Variants in PCDHGA9 observed in about 807,000 individuals in gnomAD.
PCDHGA9 encodes protocadherin gamma subfamily A, 9, also known as protocadherin gamma-A9.
A neutral mutation model predicts 62.5 loss-of-function variants in PCDHGA9; 37 were observed. The ratio of observed to expected loss-of-function variants is 0.59; its 90% CI spans 0.46 to 0.78. The LOEUF is 0.78. PCDHGA9 is among the 30% of genes least tolerant of loss of function. The pLI, the probability that PCDHGA9 is intolerant of heterozygous loss-of-function variation, is 0.00. For missense variants in PCDHGA9, 1,138 were observed against 1,166.2 expected (o/e 0.98, Z 0.35); for synonymous variants, 459 against 484.6 (o/e 0.95, Z 0.69).
At chr5:141,419,088 T>C in intron 1 of PCDHGA9, 3 of 1,613,940 alleles carry the variant, frequency 1.9e-6, no homozygotes, top group Non-Finnish European at 2.5e-6. Context: ...GATGAGGCCC[T>C]GGATCGGGAG....
At chr5:141,452,554 G>A (rs2098744143) in intron 1 of PCDHGA9, among the ~76,000 whole-genome samples, 1 of 152,140 alleles carries the variant, frequency 6.6e-6, no homozygotes, top group Admixed American at 6.5e-5. Context: ...TCCAGTTCTG[G>A]TTCTTCCTAG....
chr5:141,415,880 A>G, intron 1 of PCDHGA9: 1 of 1,003,078 alleles, frequency 1.0e-6, no homozygotes. Flanking sequence ...TGAGTACAAT[A>G]TTGACAATTC....
chr5:141,433,122 G>C (rs1442464320), intron 1 of PCDHGA9: 1 of 1,614,134 alleles, frequency 6.2e-7, no homozygotes, highest in Admixed American at 1.7e-5. Flanking sequence ...TTTGAAAAAA[G>C]CGAGCCCCTT....
chr5:141,405,391 T>A lies in PCDHGA9; in HGVS notation c.2424+15T>A. The A allele has an allele frequency of 6.3e-7, 1 of 1,595,892 alleles. No homozygotes were observed. The highest frequency in any genetic ancestry group is 8.5e-7 in the Non-Finnish European group (1 of 1,171,184). ...CTTTGGTTCCGGTGAGTTCATTTTT[T>A]TTCTTTCTTTCTTTTCTTTTTTTGT... On this transcript the variant is annotated intron_variant, in intron 1 of 3. Coordinates refer to ENST00000573521, the MANE Select transcript of PCDHGA9 (RefSeq NM_018921.3).
intron 1 of PCDHGA9, chr5:141,412,993 G>T (rs1401025160): frequency 1.2e-5 from 7 of 574,186 alleles, no homozygotes; most frequent in Non-Finnish European, 1.8e-5. Context: ...GCTCAATCCG[G>T]ATTCTCAGGG....
chr5:141,495,547 C>G (rs2099762038), intron 2 of PCDHGA9, among the ~76,000 whole-genome samples: 1 of 152,228 alleles, frequency 6.6e-6, no homozygotes, highest in South Asian at 2.1e-4. Flanking sequence ...CAGTCTCTAT[C>G]TCGCTTTGCA....
At chr5:141,510,799 C>G in intron 3 of PCDHGA9, 148 bp from the exon 4 acceptor site, 1 of 1,481,460 alleles carries the variant, frequency 6.8e-7, no homozygotes. Context: ...TGAAGAGAGA[C>G]TACCTTGGTG....
Position 141,485,713 on chromosome 5 carries a change from G to T in PCDHGA9, c.2425-9094G>T. On this transcript the variant is annotated intron_variant, in intron 1 of 3. Transcript: ENST00000573521. The surrounding 1 kb of genome is among the most constrained non-coding windows in gnomAD (Gnocchi z 5.7). ...TGAGCTCCAATGAACACTTTGCACT[G>T]GATGTGAAGAAGCGCAGCGACGGCA... 1 of 1,614,202 alleles carries T rather than the reference G, an allele frequency of 6.2e-7. No individual in the cohort carries two copies. The highest frequency in any genetic ancestry group is 8.5e-7 in the Non-Finnish European group (1 of 1,180,038).
intron 1 of PCDHGA9, among the ~76,000 whole-genome samples, chr5:141,458,009 G>T (rs1039110082): frequency 2.6e-5 from 4 of 152,142 alleles, no homozygotes; most frequent in Non-Finnish European, 4.4e-5. Context: ...AAAATAACCG[G>T]TTTTTCCAAT....
intron 1 of PCDHGA9, among the ~76,000 whole-genome samples, chr5:141,492,418 C>T (rs1428695013): frequency 2.0e-5 from 3 of 152,236 alleles, no homozygotes; most frequent in Admixed American, 1.3e-4. Flanking sequence ...CCGCTCCCTC[C>T]GCCGGGCTCA....
In PCDHGA9 at chr5:141,476,762, G is replaced by A. The variant is rs1338892879; in HGVS notation, c.2425-18045G>A. The A allele has an allele frequency of 6.2e-7, 1 of 1,613,848 alleles. No individual in the cohort carries two copies. ...GCCTAGTCTCCAGTTAGTGCTGACG[G>A]CGTTGGACGGAGGGACCCCAGCTCT... On this transcript the variant is annotated intron_variant, in intron 1 of 3. Coordinates refer to ENST00000573521, the MANE Select transcript of PCDHGA9 (RefSeq NM_018921.3). The surrounding 1 kb of genome is among the most constrained non-coding windows in gnomAD (Gnocchi z 7.6).
chr5:141,501,970 T>C (rs2099812082), intron 2 of PCDHGA9, among the ~76,000 whole-genome samples: 1 of 152,068 alleles, frequency 6.6e-6, no homozygotes. Flanking sequence ...TCCTAACCTC[T>C]GGCATCTGGT....
intron 1 of PCDHGA9, chr5:141,409,931 A>G: frequency 1.2e-6 from 2 of 1,613,260 alleles, no homozygotes; most frequent in Non-Finnish European, 1.7e-6. Flanking sequence ...GTTCTTCGAT[A>G]TGGTACCTCG....
rs903741318 is a variant in PCDHGA9, at chr5:141,454,939, C to G, written c.2425-39868C>G. On this transcript the variant is annotated intron_variant, in intron 1 of 3. Coordinates refer to ENST00000573521, the MANE Select transcript of PCDHGA9 (RefSeq NM_018921.3). ...TCTCCTGCCTCAGCCTCCCGAGTAG[C>G]TGGGACTACAGGCGCCGGCCACCAC... 6.0e-5 allele frequency among the ~76,000 whole-genome samples: 9 copies of G among 150,982 alleles called. No homozygotes were observed. The East Asian group carries it at 1.8e-3, about 30-fold the overall frequency.
intron 1 of PCDHGA9, chr5:141,421,090 G>C (rs552694052): frequency 1.5e-6 from 1 of 661,192 alleles, no homozygotes; most frequent in Admixed American, 3.2e-5. Context: ...CACAGATCCT[G>C]ACACTGGAGA....
intron 1 of PCDHGA9, among the ~76,000 whole-genome samples, chr5:141,464,221 C>T (rs570804761): frequency 2.9e-4 from 44 of 149,624 alleles, no homozygotes; most frequent in African/African-American, 9.6e-4. Flanking sequence ...GCTGAGATTG[C>T]GCCACTGCAC....
Position 141,486,032 on chromosome 5 carries a change from G to C in PCDHGA9, c.2425-8775G>C, listed in dbSNP as rs560909128. The C allele has an allele frequency of 1.2e-6, 2 of 1,614,166 alleles. No individual in the cohort carries two copies. Among genetic ancestry groups the C allele is most frequent in the African/African-American group, 2.7e-5 (2 of 75,034 alleles). On this transcript the variant is annotated intron_variant, in intron 1 of 3. Transcript: ENST00000573521. This position sits in a 1 kb window ranked among gnomAD's most constrained non-coding sequence, Gnocchi z 5.0. ...CTTTTATTTCAGTGGTCATACCCCT[G>C]ATCGTGTAAGAAACCTCTTTAGCCT... is the stretch of plus-strand genomic sequence containing the variant.
intron 1 of PCDHGA9, chr5:141,484,904 C>A: frequency 2.5e-6 from 1 of 405,682 alleles, no homozygotes; most frequent in Non-Finnish European, 4.4e-6. Context: ...TCCAATGCTG[C>A]GACGCATTAA....
At chr5:141,456,971 A>G (rs1031714073) in intron 1 of PCDHGA9, among the ~76,000 whole-genome samples, 1 of 147,384 alleles carries the variant, frequency 6.8e-6, no homozygotes, top group Non-Finnish European at 1.5e-5. Context: ...TCAAAACAAA[A>G]CAAACAAACA....
Sources: gnomAD v4.1 joint callset for allele counts (sites outside exome capture counted in the v4.1 genomes callset) on GRCh38, gnomAD v4.1.1 for gene constraint, Gnocchi (gnomAD v3.1) non-coding constraint, MANE v1.5 for transcripts, NCBI Gene and HGNC (gene_info 2026-07-23, HGNC 2026-07-21) for gene names.